Variants in LINGO2 observed in about 807,000 individuals in gnomAD.
LINGO2 encodes the protein leucine-rich repeat and immunoglobulin-like domain-containing nogo receptor-interacting protein 2.
LINGO2 carries 14 observed loss-of-function variants against 30.6 expected under a neutral mutation model. That is an observed-to-expected ratio of 0.46 (90% CI 0.30 to 0.72). LINGO2 has a LOEUF of 0.72. Among genes scored for constraint, LINGO2 ranks in the 30% least tolerant of loss-of-function variants. The pLI is 0.07. For missense variants in LINGO2, 729 were observed against 751.7 expected (o/e 0.97, Z 0.35); for synonymous variants, 317 against 288.5 (o/e 1.10, Z -1.00).
At chr9:28,078,525 G>A (rs191461329) in intron 4 of LINGO2, among the ~76,000 whole-genome samples, 1 of 148,654 alleles carries the variant, frequency 6.7e-6, no homozygotes, top group Non-Finnish European at 1.5e-5. Flanking sequence ...GACAAATTAT[G>A]TTATATTGAC....
At chr9:28,036,634 T>C (rs1823949219) in intron 4 of LINGO2, among the ~76,000 whole-genome samples, 1 of 152,202 alleles carries the variant, frequency 6.6e-6, no homozygotes, top group Non-Finnish European at 1.5e-5. Flanking sequence ...GGGACAAGAC[T>C]TTAGCCCAAA....
intron 2 of LINGO2, among the ~76,000 whole-genome samples, chr9:28,452,970 A>G (rs1320407913): frequency 1.3e-5 from 2 of 151,912 alleles, no homozygotes; most frequent in African/African-American, 4.8e-5. Flanking sequence ...TTAAAAAGTC[A>G]TGCATATTTG....
chr9:28,840,367 C>A, the LINGO2 span, among the ~76,000 whole-genome samples: 1 of 151,860 alleles, frequency 6.6e-6, no homozygotes, highest in Admixed American at 6.5e-5. Context: ...CCATCAATAT[C>A]AAGTACTACC....
the LINGO2 span, among the ~76,000 whole-genome samples, chr9:29,076,496 A>G: frequency 6.6e-6 from 1 of 151,076 alleles, no homozygotes; most frequent in Non-Finnish European, 1.5e-5. Context: ...TAAAACCATG[A>G]GGCAGAAGGA....
intron 4 of LINGO2, among the ~76,000 whole-genome samples, chr9:28,194,097 C>T (rs989394777): frequency 2.6e-5 from 4 of 152,100 alleles, no homozygotes; most frequent in Non-Finnish European, 5.9e-5. Flanking sequence ...AGGACACAGG[C>T]TCCACCTTTC....
At chr9:28,475,851 T>C (rs1825708678) in intron 2 of LINGO2, 89 bp downstream of exon 4, 1 of 152,604 alleles carries the variant, frequency 6.6e-6, no homozygotes. Context: ...TTAGAAGCTT[T>C]CTCATTTTAT....
At chr9:29,206,212 A>G in the LINGO2 span, among the ~76,000 whole-genome samples, 1 of 152,212 alleles carries the variant, frequency 6.6e-6, no homozygotes, top group Non-Finnish European at 1.5e-5. Context: ...TGTACATGAT[A>G]TATTGCTAGA....
exon 6 of LINGO2, chr9:27,950,526 A>T: frequency 6.3e-7 from 1 of 1,576,282 alleles, no homozygotes; most frequent in Non-Finnish European, 8.6e-7. Flanking sequence ...TGGGATGGCG[A>T]TCAATCGCCT....
At chr9:28,586,195 T>A (rs1307755528) in intron 1 of LINGO2, among the ~76,000 whole-genome samples, 4 of 152,032 alleles carry the variant, frequency 2.6e-5, no homozygotes, top group African/African-American at 9.7e-5. Context: ...AATTTTTTTT[T>A]ATAGTAAGAC....
At chr9:28,364,007 G>A (rs1214560833) in intron 3 of LINGO2, among the ~76,000 whole-genome samples, 1 of 151,290 alleles carries the variant, frequency 6.6e-6, no homozygotes, top group East Asian at 1.9e-4. Flanking sequence ...TGTATTTTCT[G>A]TATTCGCTTT....
intron 2 of LINGO2, among the ~76,000 whole-genome samples, chr9:28,443,384 G>A (rs777455923): frequency 5.6e-4 from 86 of 152,318 alleles, no homozygotes; most frequent in African/African-American, 1.8e-3. Context: ...TGGTTGGGGC[G>A]GGGAACAGGC....
intron 4 of LINGO2, among the ~76,000 whole-genome samples, chr9:28,272,083 T>G (rs1024057715): frequency 2.0e-5 from 3 of 152,158 alleles, no homozygotes; most frequent in Non-Finnish European, 4.4e-5. Context: ...CCCCATGTCA[T>G]CCACTCACCA....
intron 1 of LINGO2, among the ~76,000 whole-genome samples, chr9:28,542,269 T>C (rs1484521651): frequency 1.3e-5 from 2 of 151,138 alleles, no homozygotes; most frequent in Non-Finnish European, 2.9e-5. Context: ...GTAAGGTAGA[T>C]CCTGAAAAAA....
chr9:28,899,937 T>C, the LINGO2 span, among the ~76,000 whole-genome samples: 1 of 152,188 alleles, frequency 6.6e-6, no homozygotes, highest in Non-Finnish European at 1.5e-5. Context: ...CCAAGTGTTA[T>C]CTTGGTCCCC....
the LINGO2 span, chr9:28,863,545 G>A: frequency 2.7e-5 from 13 of 480,666 alleles, 1 homozygote; most frequent in South Asian, 9.2e-5. Context: ...TGTGTGTCTT[G>A]TAATACAAAG....
intron 4 of LINGO2, among the ~76,000 whole-genome samples, chr9:28,097,180 AAAC>A (rs930896044): frequency 6.1e-4 from 93 of 152,268 alleles, no homozygotes; most frequent in African/African-American, 1.8e-3. Flanking sequence ...AAAAGTCAGG[AAAC>A]AACAGGTGCT....
chr9:29,199,501 G>A, the LINGO2 span, among the ~76,000 whole-genome samples: 1 of 152,032 alleles, frequency 6.6e-6, no homozygotes, highest in Non-Finnish European at 1.5e-5. Context: ...CTACCTTTCT[G>A]AGGCTTAACC....
intron 5 of LINGO2, among the ~76,000 whole-genome samples, chr9:27,990,462 A>ATC (rs11373693): frequency 8.5e-6 from 1 of 117,968 alleles, no homozygotes; most frequent in Non-Finnish European, 1.8e-5. Context: ...TGGTCTCAAT[A>ATC]CCCCCCCCCC....
chr9:28,253,449 A>G (rs1297842428), intron 4 of LINGO2, among the ~76,000 whole-genome samples: 1 of 152,192 alleles, frequency 6.6e-6, no homozygotes. Context: ...ATTTTAGATG[A>G]GTGAGAAAGC....
Sources: allele counts gnomAD v4.1 joint callset (sites outside exome capture counted in the v4.1 genomes callset), GRCh38; gene constraint gnomAD v4.1.1; transcripts MANE v1.5; gene names NCBI Gene and HGNC (gene_info 2026-07-23, HGNC 2026-07-21).